TENM3: variants seen among roughly 807,000 people sequenced by gnomAD.
TENM3 encodes the protein teneurin transmembrane protein 3.
TENM3 carries 63 observed loss-of-function variants against 255.1 expected under a neutral mutation model. That is an observed-to-expected ratio of 0.25 (90% CI 0.20 to 0.30). The LOEUF is 0.30. Ranked by LOEUF, TENM3 falls within the 10% of genes least tolerant of loss-of-function variation. TENM3 has a pLI of 1.00. For synonymous variants in TENM3, 1,306 were observed against 1,322.3 expected, an observed-to-expected ratio of 0.99 and a Z score of 0.27; for missense variants, 2,929 against 3,461.1, an observed-to-expected ratio of 0.85 and a Z score of 3.86.
intron 1 of TENM3, among the ~76,000 whole-genome samples, chr4:182,160,408 G>A (rs536589276): frequency 5.3e-5 from 8 of 152,230 alleles, no homozygotes; most frequent in African/African-American, 1.7e-4. Flanking sequence ...AGAGATTCCA[G>A]AAAAATGTCT....
At chr4:181,905,404 G>T in the TENM3 span, among the ~76,000 whole-genome samples, 2 of 152,100 alleles carry the variant, frequency 1.3e-5, no homozygotes, top group South Asian at 4.1e-4. Flanking sequence ...AGTTCCAGCT[G>T]CTGGGCAAAT....
the TENM3 span, among the ~76,000 whole-genome samples, chr4:181,687,198 G>T: frequency 6.6e-6 from 1 of 152,044 alleles, no homozygotes; most frequent in Non-Finnish European, 1.5e-5. Context: ...AAATAAGACG[G>T]ACCATTACAT....
intron 24 of TENM3, among the ~76,000 whole-genome samples, chr4:182,788,055 G>T (rs1217952069): frequency 6.6e-6 from 1 of 152,202 alleles, no homozygotes; most frequent in Non-Finnish European, 1.5e-5. Context: ...GTGGTTGTGT[G>T]TGTGTGTAAA....
intron 3 of TENM3, among the ~76,000 whole-genome samples, chr4:182,462,118 C>T (rs990778667): frequency 4.6e-5 from 7 of 151,248 alleles, no homozygotes; most frequent in African/African-American, 1.7e-4. Context: ...ATCCAGGCTG[C>T]AGTACAGTGG....
At chr4:182,110,496 T>C in the TENM3 span, among the ~76,000 whole-genome samples, 2 of 151,988 alleles carry the variant, frequency 1.3e-5, no homozygotes, top group Non-Finnish European at 2.9e-5. Context: ...AGCTAATTTT[T>C]TTTTTCTTTT....
At chr4:182,465,533 C>G (rs755747673) in intron 3 of TENM3, among the ~76,000 whole-genome samples, 2 of 152,066 alleles carry the variant, frequency 1.3e-5, no homozygotes, top group African/African-American at 4.8e-5. Flanking sequence ...TGTAACCCAC[C>G]CCGTTTATGG....
chr4:182,589,695 G>A (rs764698268), intron 3 of TENM3, among the ~76,000 whole-genome samples: 3 of 152,056 alleles, frequency 2.0e-5, no homozygotes, highest in African/African-American at 4.8e-5. Context: ...GTTTGCGGCC[G>A]GGCGCAGTGG....
chr4:181,625,883 G>C, the TENM3 span, among the ~76,000 whole-genome samples: 1 of 151,948 alleles, frequency 6.6e-6, no homozygotes, highest in African/African-American at 2.4e-5. Context: ...TCAAAGTAGA[G>C]TGGGAATAAA....
intron 7 of TENM3, among the ~76,000 whole-genome samples, chr4:182,677,401 C>T (rs1040705458): frequency 9.2e-5 from 14 of 152,138 alleles, no homozygotes; most frequent in African/African-American, 3.4e-4. Context: ...CTCCCGTTCA[C>T]TTTTTCAGTT....
At chr4:181,534,116 T>C in the TENM3 span, among the ~76,000 whole-genome samples, 6 of 151,772 alleles carry the variant, frequency 4.0e-5, no homozygotes, top group Admixed American at 3.3e-4. Context: ...CAAGGCCGGG[T>C]GCAGTGGCTC....
the TENM3 span, among the ~76,000 whole-genome samples, chr4:182,083,721 T>C: frequency 6.6e-6 from 1 of 152,256 alleles, no homozygotes. Context: ...TAGAATTGTT[T>C]CTTTCAAAAT....
At chr4:182,491,031 C>T (rs1294657485) in intron 3 of TENM3, among the ~76,000 whole-genome samples, 1 of 152,156 alleles carries the variant, frequency 6.6e-6, no homozygotes, top group African/African-American at 2.4e-5. Flanking sequence ...TGTAGCAAAT[C>T]AAGAACTTTA....
intron 3 of TENM3, among the ~76,000 whole-genome samples, chr4:182,580,347 C>CA (rs1297169845): frequency 6.6e-6 from 1 of 152,164 alleles, no homozygotes; most frequent in Non-Finnish European, 1.5e-5. Flanking sequence ...CTCCTAAATT[C>CA]ACTGTCTCAT....
chr4:182,168,960 A>G (rs771962940), intron 1 of TENM3, among the ~76,000 whole-genome samples: 10 of 152,138 alleles, frequency 6.6e-5, no homozygotes, highest in Non-Finnish European at 1.2e-4. Context: ...GTTTATATGT[A>G]TACTTACAGG....
the TENM3 span, among the ~76,000 whole-genome samples, chr4:181,859,180 T>C: frequency 7.1e-6 from 1 of 140,734 alleles, no homozygotes; most frequent in Non-Finnish European, 1.5e-5. Context: ...GGGGCAGAGG[T>C]TGCAGTGAGC....
the TENM3 span, among the ~76,000 whole-genome samples, chr4:181,757,240 A>G: frequency 6.6e-6 from 1 of 152,236 alleles, no homozygotes; most frequent in Non-Finnish European, 1.5e-5. Flanking sequence ...TGCCTTCACC[A>G]GCAGCACACC....
the TENM3 span, among the ~76,000 whole-genome samples, chr4:181,888,543 T>TAC: frequency 1.0e-4 from 12 of 115,908 alleles, no homozygotes; most frequent in Non-Finnish European, 1.6e-4. Context: ...TGTGTATATA[T>TAC]ATATATGTAT....
At chr4:181,799,109 A>T in the TENM3 span, among the ~76,000 whole-genome samples, 2 of 152,248 alleles carry the variant, frequency 1.3e-5, no homozygotes. Flanking sequence ...CTTAGAAACA[A>T]TAATTCCTCA....
At chr4:182,092,425 AT>A in the TENM3 span, among the ~76,000 whole-genome samples, 5 of 152,070 alleles carry the variant, frequency 3.3e-5, no homozygotes, top group African/African-American at 1.2e-4. Context: ...AGGTGGGGGG[AT>A]TGCTTGAGCC....
Sources: gnomAD v4.1 joint callset for allele counts (sites outside exome capture counted in the v4.1 genomes callset) on GRCh38, gnomAD v4.1.1 for gene constraint, MANE v1.5 for transcripts, NCBI Gene and HGNC (gene_info 2026-07-23, HGNC 2026-07-21) for gene names.